Variants in LCLAT1 observed in about 807,000 individuals in gnomAD.
The protein encoded by LCLAT1 is lysocardiolipin acyltransferase 1.
Under a neutral mutation model 30.7 loss-of-function variants are expected in LCLAT1, and 11 were observed. That is an observed-to-expected ratio of 0.36 (90% confidence interval 0.23 to 0.59). The LOEUF (loss-of-function observed/expected upper bound fraction) is 0.59, where lower values mean the gene tolerates loss of function less well. LCLAT1 is among the 20% of genes least tolerant of loss of function. The probability of loss-of-function intolerance (pLI) is 0.77; values close to 1 mark genes in which losing one functional copy is unlikely to be tolerated. For synonymous variants in LCLAT1, 155 were observed against 151.3 expected (o/e 1.02, Z -0.18); for missense variants, 402 against 458.6 (o/e 0.88, Z 1.13).
intron 4 of LCLAT1, among the ~76,000 whole-genome samples, chr2:30,562,806 A>G (rs1035907402): frequency 1.3e-5 from 2 of 152,092 alleles, no homozygotes; most frequent in Non-Finnish European, 2.9e-5. Context: ...CTTCTAAGGT[A>G]TTTATTTATC....
chr2:30,487,749 C>T (rs1389824396), intron 1 of LCLAT1, among the ~76,000 whole-genome samples: 1 of 152,024 alleles, frequency 6.6e-6, no homozygotes. Context: ...TCAGCAGAGT[C>T]CTGTCTGAGA....
chr2:30,638,729 T>A (rs1669152708), intron 5 of LCLAT1, among the ~76,000 whole-genome samples: 3 of 133,884 alleles, frequency 2.2e-5, no homozygotes, highest in African/African-American at 8.1e-5. Context: ...ATCTACTTGG[T>A]ACCCTGAGCC....
In LCLAT1 at chr2:30,640,155, T is replaced by C; in HGVS notation, c.667T>C (p.Tyr223His). ...TGCTGTCCATGATATCACTGTGGCG[T>C]ATCCTCACAACATTCCTCAATCAGA... ...LDAVHDITVA[Y>H]PHNIPQSEKH... The change falls in exon 6 of 6, where the codon TAT becomes CAT. Residue 223 changes from tyrosine to histidine, a missense_variant. Physicochemically the swap from Tyr to His is moderately conservative, Grantham distance 83. Transcript: ENST00000379509. 6.2e-7 allele frequency: 1 copy of C among 1,613,858 alleles called. No individual in the cohort carries two copies. Among genetic ancestry groups the C allele is most frequent in the Non-Finnish European group, 8.5e-7 (1 of 1,179,894 alleles).
chr2:30,565,038 C>T (rs1478083223), intron 4 of LCLAT1, among the ~76,000 whole-genome samples: 1 of 152,090 alleles, frequency 6.6e-6, no homozygotes, highest in African/African-American at 2.4e-5. Context: ...CACACACAGA[C>T]ATATGTGCAC....
At chr2:30,584,522 A>G (rs1666344117) in intron 5 of LCLAT1, among the ~76,000 whole-genome samples, 1 of 152,180 alleles carries the variant, frequency 6.6e-6, no homozygotes, top group Non-Finnish European at 1.5e-5. Flanking sequence ...ACTGCTTTGT[A>G]TGGTATAGAG....
intron 5 of LCLAT1, among the ~76,000 whole-genome samples, chr2:30,608,070 C>T (rs939470281): frequency 8.6e-5 from 13 of 151,900 alleles, no homozygotes; most frequent in African/African-American, 2.9e-4. Context: ...CCTGTAATCC[C>T]AGCACTTTGG....
At chr2:30,549,466 T>C (rs1186596012) in intron 3 of LCLAT1, among the ~76,000 whole-genome samples, 4 of 152,226 alleles carry the variant, frequency 2.6e-5, no homozygotes, top group Admixed American at 2.6e-4. Context: ...TTTATAATGG[T>C]AACTTCAGTA....
chr2:30,630,154 C>T (rs1044583011), intron 5 of LCLAT1, among the ~76,000 whole-genome samples: 3 of 152,282 alleles, frequency 2.0e-5, no homozygotes, highest in Non-Finnish European at 2.9e-5. Flanking sequence ...TGTGTCCTCA[C>T]GTGATATTCT....
intron 2 of LCLAT1, among the ~76,000 whole-genome samples, chr2:30,526,418 A>G (rs1271275822): frequency 2.0e-5 from 3 of 151,962 alleles, no homozygotes; most frequent in Admixed American, 6.6e-5. Flanking sequence ...TTGTTCATCT[A>G]GTGAATTTTT....
intron 1 of LCLAT1, among the ~76,000 whole-genome samples, chr2:30,522,614 C>T (rs914570084): frequency 2.6e-5 from 4 of 151,952 alleles, no homozygotes; most frequent in Non-Finnish European, 4.4e-5. Flanking sequence ...GCCTGGCACA[C>T]GGTAATTGGG....
At chr2:30,553,994 C>G (rs7566983) in intron 3 of LCLAT1, among the ~76,000 whole-genome samples, 133,612 of 152,212 alleles carry the variant, frequency 0.88, 59,053 homozygotes, top group African/African-American at 0.97. Context: ...TGATGACAAT[C>G]AAATGGAAAA....
intron 5 of LCLAT1, among the ~76,000 whole-genome samples, chr2:30,592,452 C>A (rs1477562366): frequency 6.6e-6 from 1 of 152,060 alleles, no homozygotes; most frequent in Non-Finnish European, 1.5e-5. Context: ...CCACCATACT[C>A]CAGCCTGGGT....
chr2:30,560,878 A>C (rs1162141475), intron 3 of LCLAT1, among the ~76,000 whole-genome samples: 5 of 152,118 alleles, frequency 3.3e-5, no homozygotes, highest in Non-Finnish European at 7.4e-5. Flanking sequence ...GTGGAGATTA[A>C]AACTGTCTTT....
At chr2:30,543,495 A>T (rs1311802014) in intron 3 of LCLAT1, among the ~76,000 whole-genome samples, 1 of 152,146 alleles carries the variant, frequency 6.6e-6, no homozygotes. Context: ...GAGTTTGTAT[A>T]GGACTGATGT....
At chr2:30,457,158 A>T (rs2148265442) in intron 1 of LCLAT1, among the ~76,000 whole-genome samples, 1 of 152,360 alleles carries the variant, frequency 6.6e-6, no homozygotes. Context: ...AATTAATAAT[A>T]TAATTTCTGG....
intron 5 of LCLAT1, among the ~76,000 whole-genome samples, chr2:30,610,336 A>G (rs534763306): frequency 2.6e-5 from 4 of 152,210 alleles, no homozygotes; most frequent in Admixed American, 2.6e-4. Flanking sequence ...TAATCCTGAA[A>G]CAAATTCTTT....
intron 5 of LCLAT1, among the ~76,000 whole-genome samples, chr2:30,572,113 TGG>T (rs1303262291): frequency 6.6e-6 from 1 of 152,316 alleles, no homozygotes; most frequent in East Asian, 1.9e-4. Context: ...TCAAATGCCA[TGG>T]TATCGCTTTA....
rs1665581655 is a variant in LCLAT1 at position 30,568,092 on chromosome 2, G to C, written c.544G>C (p.Glu182Gln). Residue 182 changes from glutamate to glutamine, a missense_variant, in exon 5 of 6, where the codon GAA (glutamate) becomes CAA (glutamine). By Grantham distance (29) the Glu-to-Gln change is conservative. Coordinates refer to ENST00000379509, the MANE Select transcript of LCLAT1 (RefSeq NM_001002257.3). ...CAAGTCTCGAAGTAATGCATTTGCT[G>C]AAAAAAATGGACTTCAGAAATATGA... The part of the protein sequence containing the change: ...NSKSRSNAFA[E>Q]KNGLQKYEYV... 4 of 1,601,380 alleles carry C rather than the reference G, an allele frequency of 2.5e-6. No homozygotes were observed. Among genetic ancestry groups the C allele is most frequent in the Non-Finnish European group, 2.6e-6 (3 of 1,172,056 alleles).
At chr2:30,474,836 G>C (rs1682969005) in intron 1 of LCLAT1, among the ~76,000 whole-genome samples, 2 of 151,740 alleles carry the variant, frequency 1.3e-5, no homozygotes, top group South Asian at 4.2e-4. Context: ...ATTTTTTGTA[G>C]AGATGAGGTC....
Sources: gnomAD v4.1 joint callset for allele counts (sites outside exome capture counted in the v4.1 genomes callset) on GRCh38, gnomAD v4.1.1 for gene constraint, MANE v1.5 for transcripts, NCBI Gene and HGNC (gene_info 2026-07-23, HGNC 2026-07-21) for gene names.